CORO2B: variants seen among roughly 807,000 people sequenced by gnomAD.
CORO2B encodes coronin 2B.
A neutral mutation model predicts 58.8 loss-of-function variants in CORO2B; 26 were observed. The ratio of observed to expected loss-of-function variants is 0.44; its 90% CI spans 0.32 to 0.61. CORO2B has a LOEUF of 0.61. Ranked by LOEUF, CORO2B falls within the 20% of genes least tolerant of loss-of-function variation. The pLI, the probability that CORO2B is intolerant of heterozygous loss-of-function variation, is 0.04. For synonymous variants in CORO2B, 242 were observed against 253.8 expected (o/e 0.95, Z 0.44); for missense variants, 460 against 645.1 (o/e 0.71, Z 3.11).
chr15:68,616,185 T>G (rs1224574887), intron 1 of CORO2B, among the ~76,000 whole-genome samples: 1 of 152,140 alleles, frequency 6.6e-6, no homozygotes, highest in Non-Finnish European at 1.5e-5. Context: ...CATAATTGGG[T>G]TGCTGTCGGG....
At position 68,727,001 on chromosome 15, in the gene CORO2B, C is replaced by A. The variant is rs1046498395; in HGVS notation, c.*1027C>A. The A allele has an allele frequency of 6.6e-6, 1 of 152,444 alleles. No individual in the cohort carries two copies. Among genetic ancestry groups the A allele is most frequent in the Non-Finnish European group, 1.5e-5 (1 of 68,114 alleles). The allele number at this position is 152,444 out of a possible 1,614,324, so 9.4% of individuals were successfully genotyped here. On this transcript the variant is annotated 3_prime_UTR_variant, in exon 12 of 12. Transcript: ENST00000261861. ...TCCCCACCCTCAGCTGTCACCACCA[C>A]CCTCCCCAGGGGACTCCATCTGAGA... is the stretch of plus-strand genomic sequence containing the variant.
chr15:68,521,287 T>G, the CORO2B span, among the ~76,000 whole-genome samples: 12 of 152,194 alleles, frequency 7.9e-5, no homozygotes, highest in Admixed American at 6.5e-5. Flanking sequence ...TTACTATTAT[T>G]TTAGAGATTG....
At chr15:68,518,875 G>A in the CORO2B span, among the ~76,000 whole-genome samples, 2 of 152,168 alleles carry the variant, frequency 1.3e-5, no homozygotes, top group Admixed American at 1.3e-4. Flanking sequence ...AAGGACTCCA[G>A]ACCCCTGGTT....
intron 1 of CORO2B, among the ~76,000 whole-genome samples, chr15:68,607,267 C>T (rs915551503): frequency 6.6e-6 from 1 of 152,186 alleles, no homozygotes; most frequent in African/African-American, 2.4e-5. Flanking sequence ...GACTTGAAGG[C>T]TGGACTGGGC....
At chr15:68,713,879 C>G (rs1892972485) in intron 5 of CORO2B, 46 bp from the exon 6 acceptor site, 4 of 1,369,806 alleles carry the variant, frequency 2.9e-6, no homozygotes, top group Non-Finnish European at 4.2e-6. Context: ...CTGCAGAACC[C>G]ACATGTTGGG....
chr15:68,590,358 C>T (rs994357724), intron 1 of CORO2B, among the ~76,000 whole-genome samples: 1 of 152,080 alleles, frequency 6.6e-6, no homozygotes, highest in Non-Finnish European at 1.5e-5. Context: ...CGGAGGCTGC[C>T]CCCCCATGCC....
intron 1 of CORO2B, among the ~76,000 whole-genome samples, chr15:68,603,925 T>G (rs1165331111): frequency 6.6e-6 from 1 of 151,826 alleles, no homozygotes; most frequent in Non-Finnish European, 1.5e-5. Context: ...TGGGGAAGAG[T>G]GCCATGTTGT....
chr15:68,714,230 C>A (rs927629196), intron 6 of CORO2B, among the ~76,000 whole-genome samples, 189 bp downstream of exon 6: 1 of 152,204 alleles, frequency 6.6e-6, no homozygotes, highest in African/African-American at 2.4e-5. Flanking sequence ...ATGTCGGCCA[C>A]ACCTGCAAGA....
rs1899344061 is a variant in CORO2B, at chr15:68,579,060, C to CAGCGACGAGCGGCGGGCG, written c.-198_-181dup. 1 of 984,122 alleles carries CAGCGACGAGCGGCGGGCG rather than the reference C, an allele frequency of 1.0e-6. No individual in the cohort carries two copies. Among genetic ancestry groups the CAGCGACGAGCGGCGGGCG allele is most frequent in the Admixed American group, 6.2e-5 (1 of 16,162 alleles). The allele number at this position is 984,122 out of a possible 1,614,324, so 61.0% of individuals were successfully genotyped here. A position where few individuals can be genotyped will look rare whatever the true frequency, so the allele number is the denominator to read the frequency against. The stretch of plus-strand genomic sequence containing the variant: ...ATAAATGCACATTCGGGGCTGACAT[C>CAGCGACGAGCGGCGGGCG]AGCGACGAGCGGCGGGCGAGCGCCG... On this transcript the variant is annotated 5_prime_UTR_variant, in exon 1 of 12. Transcript: ENST00000261861.
chr15:68,662,398 A>C (rs1213568779), intron 2 of CORO2B, among the ~76,000 whole-genome samples: 1 of 152,268 alleles, frequency 6.6e-6, no homozygotes, highest in Non-Finnish European at 1.5e-5. Context: ...CTGCTGGCAT[A>C]ACTCAGGAAT....
intron 3 of CORO2B, among the ~76,000 whole-genome samples, chr15:68,707,621 G>C (rs1892813365): frequency 6.6e-6 from 1 of 152,176 alleles, no homozygotes; most frequent in Non-Finnish European, 1.5e-5. Flanking sequence ...TGTGAGAAAA[G>C]CAAGTTGAAA....
chr15:68,534,817 G>T, the CORO2B span, among the ~76,000 whole-genome samples: 2 of 152,212 alleles, frequency 1.3e-5, no homozygotes, highest in African/African-American at 4.8e-5. Flanking sequence ...ACAGTTCCAT[G>T]TGGCTGGGGA....
At chr15:68,577,555 C>G (rs1364522685), upstream of CORO2B, among the ~76,000 whole-genome samples, 2 of 151,902 alleles carry the variant, frequency 1.3e-5, no homozygotes, top group African/African-American at 4.8e-5. Context: ...AACCCCGTCT[C>G]TAATAAAAAT....
At chr15:68,537,785 T>C in the CORO2B span, among the ~76,000 whole-genome samples, 1 of 152,252 alleles carries the variant, frequency 6.6e-6, no homozygotes, top group Admixed American at 6.5e-5. Flanking sequence ...GTTTACATAT[T>C]GTCTATGGCT....
At chr15:68,682,241 GCA>G (rs948506665) in intron 2 of CORO2B, among the ~76,000 whole-genome samples, 60 of 152,342 alleles carry the variant, frequency 3.9e-4, no homozygotes, top group African/African-American at 1.3e-3. Context: ...TGGAAGAGTT[GCA>G]CAAGGAAAGT....
intron 2 of CORO2B, among the ~76,000 whole-genome samples, chr15:68,656,758 G>A (rs985986546): frequency 6.6e-6 from 1 of 152,244 alleles, no homozygotes. Context: ...TGCCAGCTAT[G>A]TTCTTTGGGC....
At chr15:68,612,086 C>A (rs1487154391) in intron 1 of CORO2B, among the ~76,000 whole-genome samples, 1 of 152,192 alleles carries the variant, frequency 6.6e-6, no homozygotes, top group African/African-American at 2.4e-5. Context: ...TTTCTACTTT[C>A]AAGAAGCATC....
At chr15:68,633,847 G>C (rs1191091800) in intron 1 of CORO2B, among the ~76,000 whole-genome samples, 1 of 152,192 alleles carries the variant, frequency 6.6e-6, no homozygotes, top group Non-Finnish European at 1.5e-5. Flanking sequence ...GGAAGGGGAA[G>C]GCCCATCACC....
rs758805935 is a variant in CORO2B at position 68,695,295 on chromosome 15, G to A, written c.333+39G>A. 76 of 1,448,232 alleles carry A rather than the reference G, an allele frequency of 5.2e-5. 1 individual carries two copies. The South Asian group carries it at 8.1e-4, about 15-fold the overall frequency. 89.7% of individuals were successfully genotyped at this position (1,448,232 alleles called of 1,614,324 possible). A position where few individuals can be genotyped will look rare whatever the true frequency, so the allele number is the denominator to read the frequency against. The stretch of plus-strand genomic sequence containing the variant: ...TGCTCCCGGAGGAGGGTGGGCTCAG[G>A]CCCCTCCCTGCTTCCTTTGGAGGCC... On this transcript the variant is annotated intron_variant, in intron 3 of 11. Transcript: ENST00000261861.
Sources: allele counts gnomAD v4.1 joint callset (sites outside exome capture counted in the v4.1 genomes callset), GRCh38; gene constraint gnomAD v4.1.1; transcripts MANE v1.5; gene names NCBI Gene and HGNC (gene_info 2026-07-23, HGNC 2026-07-21).